The following CDS1 variants were observed in gnomAD, a reference collection of about 807,000 sequenced individuals.
CDS1 encodes phosphatidate cytidylyltransferase 1.
CDS1 carries 41 observed loss-of-function variants against 62.1 expected under a neutral mutation model. That is an observed-to-expected ratio of 0.66 (90% confidence interval 0.51 to 0.86). The LOEUF (loss-of-function observed/expected upper bound fraction) is 0.86. Among genes scored for constraint, CDS1 ranks in the 40% least tolerant of loss-of-function variants. The pLI, the probability that CDS1 is intolerant of heterozygous loss-of-function variation, is 0.00. For synonymous variants in CDS1, 185 were observed against 192.6 expected (o/e 0.96, Z 0.32); for missense variants, 470 against 550.1 (o/e 0.85, Z 1.46).
intron 10 of CDS1, among the ~76,000 whole-genome samples, chr4:84,642,576 A>G (rs1248234661): frequency 6.6e-6 from 1 of 152,174 alleles, no homozygotes; most frequent in Non-Finnish European, 1.5e-5. Flanking sequence ...TTTCCACAGC[A>G]TTCATCTTAA....
At chr4:84,615,789 A>G (rs1723475603) in intron 3 of CDS1, among the ~76,000 whole-genome samples, 1 of 152,226 alleles carries the variant, frequency 6.6e-6, no homozygotes, top group Non-Finnish European at 1.5e-5. Flanking sequence ...TAATTGGGCC[A>G]ACAGAGTCCT....
chr4:84,634,450 G>A (rs902603886), intron 7 of CDS1, among the ~76,000 whole-genome samples: 1 of 151,922 alleles, frequency 6.6e-6, no homozygotes, highest in Non-Finnish European at 1.5e-5. Flanking sequence ...AAGCATTTTT[G>A]TTAGGTAAAA....
In CDS1 at chr4:84,640,755, A is replaced by G. The variant is rs376799219; in HGVS notation, c.880-83A>G. On this transcript the variant is annotated intron_variant, in intron 9 of 12. Coordinates refer to ENST00000295887, the MANE Select transcript of CDS1 (RefSeq NM_001263.4). The stretch of plus-strand genomic sequence containing the variant: ...TCTATCTCTGGCCTTTCTGATGTAT[A>G]ACTTAAAAGATATATGTTTAGTCAA... 2.8e-5 allele frequency: 31 copies of G among 1,121,554 alleles called. No homozygotes were observed. In the African/African-American group the frequency reaches 4.3e-4, roughly 16 times the overall value. The allele number at this position is 1,121,554 out of a possible 1,614,324, so 69.5% of individuals were successfully genotyped here.
At chr4:84,613,237 A>G (rs1723383127) in intron 3 of CDS1, among the ~76,000 whole-genome samples, 1 of 152,128 alleles carries the variant, frequency 6.6e-6, no homozygotes, top group African/African-American at 2.4e-5. Context: ...TATTTTGAGA[A>G]GGACATGTTG....
intron 6 of CDS1, among the ~76,000 whole-genome samples, chr4:84,632,579 G>C (rs979029798): frequency 1.3e-5 from 2 of 151,974 alleles, no homozygotes; most frequent in Admixed American, 1.3e-4. Flanking sequence ...TGTGTTTCTT[G>C]TATTTCTAAT....
intron 1 of CDS1, among the ~76,000 whole-genome samples, chr4:84,586,129 G>A (rs1371106253): frequency 1.3e-5 from 2 of 152,112 alleles, no homozygotes; most frequent in Non-Finnish European, 2.9e-5. Context: ...GATAATGAAG[G>A]TCCTGAGAGC....
At chr4:84,609,012 A>C (rs907367201) in intron 2 of CDS1, among the ~76,000 whole-genome samples, 4 of 152,080 alleles carry the variant, frequency 2.6e-5, no homozygotes, top group African/African-American at 9.6e-5. Flanking sequence ...CCCCGTCTCT[A>C]CTAAAAATAC....
At chr4:84,644,115 C>T (rs758060083) in intron 11 of CDS1, among the ~76,000 whole-genome samples, 28 of 152,090 alleles carry the variant, frequency 1.8e-4, no homozygotes, top group Admixed American at 5.9e-4. Context: ...AGATCACACG[C>T]GGCCTACGGG....
chr4:84,638,153 C>T (rs1724271304), intron 8 of CDS1, among the ~76,000 whole-genome samples: 1 of 152,196 alleles, frequency 6.6e-6, no homozygotes, highest in African/African-American at 2.4e-5. Context: ...CAACAACTTT[C>T]ACTTTTTGCT....
In CDS1 at chr4:84,650,248, A is replaced by T. The variant is rs1044688666; in HGVS notation, c.*1562A>T. ...ATGATTAGACATAGGTGCACTCGGT[A>T]CCAAGAGTCCATTTTATGGTCCAGC... On this transcript the variant is annotated 3_prime_UTR_variant, in exon 13 of 13. Coordinates refer to ENST00000295887, the MANE Select transcript of CDS1 (RefSeq NM_001263.4). 5.9e-5 allele frequency: 9 copies of T among 152,176 alleles called. No homozygotes were observed. The highest frequency in any genetic ancestry group is 2.2e-4 in the African/African-American group (9 of 41,452). The allele number at this position is 152,176 out of a possible 1,614,324, so 9.4% of individuals were successfully genotyped here.
At chr4:84,629,071 A>C in intron 5 of CDS1, among the ~76,000 whole-genome samples, 1 of 152,296 alleles carries the variant, frequency 6.6e-6, no homozygotes, top group South Asian at 2.1e-4. Flanking sequence ...CTGTGATTTT[A>C]ATTTAGAAAT....
chr4:84,629,357 GAA>G (rs1405575771), intron 5 of CDS1, among the ~76,000 whole-genome samples: 2 of 112,294 alleles, frequency 1.8e-5, no homozygotes, highest in African/African-American at 3.2e-5. Context: ...AAAATACTCT[GAA>G]AAAAAAAAAA....
intron 1 of CDS1, among the ~76,000 whole-genome samples, chr4:84,597,954 G>A (rs747553002): frequency 2.6e-5 from 4 of 151,722 alleles, no homozygotes; most frequent in African/African-American, 7.3e-5. Flanking sequence ...GTGAAACCCC[G>A]TCTCTACTAA....
chr4:84,634,011 G>T (rs1724102961), intron 7 of CDS1, 72 bp downstream of exon 7: 6 of 793,222 alleles, frequency 7.6e-6, no homozygotes, highest in African/African-American at 5.3e-5. Context: ...GTTGGATAGT[G>T]TCTTACAGAT....
At chr4:84,626,116 G>A (rs1042417551) in intron 5 of CDS1, among the ~76,000 whole-genome samples, 7 of 151,980 alleles carry the variant, frequency 4.6e-5, no homozygotes, top group East Asian at 1.9e-4. Context: ...GCGGTGAGCC[G>A]AGATCATGCC....
intron 10 of CDS1, among the ~76,000 whole-genome samples, chr4:84,642,326 CAA>C (rs1268824695): frequency 3.7e-4 from 33 of 88,408 alleles, no homozygotes; most frequent in Admixed American, 3.8e-4. Context: ...AACTCTGCCT[CAA>C]AAAAAAAAAA....
chr4:84,608,441 T>A (rs1423588451), intron 2 of CDS1, among the ~76,000 whole-genome samples: 1 of 152,136 alleles, frequency 6.6e-6, no homozygotes, highest in East Asian at 1.9e-4. Flanking sequence ...CCCAAAGTGC[T>A]GAGATTACAG....
At chr4:84,604,093 G>A (rs1723018608) in intron 1 of CDS1, 150 bp from the exon 2 acceptor site, 10 of 602,420 alleles carry the variant, frequency 1.7e-5, no homozygotes, top group Non-Finnish European at 2.9e-5. Flanking sequence ...AAGAAGTATA[G>A]CAGTGCTAAG....
At chr4:84,616,244 C>A (rs1449470489) in intron 3 of CDS1, among the ~76,000 whole-genome samples, 1 of 152,206 alleles carries the variant, frequency 6.6e-6, no homozygotes, top group Non-Finnish European at 1.5e-5. Flanking sequence ...AGATTTCCTC[C>A]TGTCTTTATA....
Sources: gnomAD v4.1 joint callset for allele counts (sites outside exome capture counted in the v4.1 genomes callset) on GRCh38, gnomAD v4.1.1 for gene constraint, MANE v1.5 for transcripts, NCBI Gene and HGNC (gene_info 2026-07-23, HGNC 2026-07-21) for gene names.